The following UTRN variants were observed in gnomAD, a reference collection of about 807,000 sequenced individuals.
UTRN encodes the protein dystrophin-related protein 1.
Under a neutral mutation model 463.9 loss-of-function variants are expected in UTRN, and 283 were observed. That is an observed-to-expected ratio of 0.61 (90% CI 0.55 to 0.67). The LOEUF is 0.67. Ranked by LOEUF, UTRN falls within the 30% of genes least tolerant of loss-of-function variation. The probability of loss-of-function intolerance (pLI) is 0.00; values close to 1 mark genes in which losing one functional copy is unlikely to be tolerated. For synonymous variants in UTRN, 1,442 were observed against 1,431.5 expected, an observed-to-expected ratio of 1.01 and a Z score of -0.17; for missense variants, 3,922 against 4,084.3, an observed-to-expected ratio of 0.96 and a Z score of 1.08.
intron 9 of UTRN, among the ~76,000 whole-genome samples, chr6:144,433,181 G>A (rs1476086393): frequency 2.0e-5 from 3 of 151,616 alleles, no homozygotes; most frequent in Admixed American, 1.3e-4. Flanking sequence ...ATCATGGCCC[G>A]TTCTCAATGA....
At chr6:144,447,390 T>A in intron 15 of UTRN, 72 bp downstream of exon 15, 1 of 1,472,506 alleles carries the variant, frequency 6.8e-7, no homozygotes. Context: ...TAATGGTTAG[T>A]AGAATTTAGT....
chr6:144,548,915 T>G, intron 47 of UTRN, 61 bp downstream of exon 47: 1 of 1,522,400 alleles, frequency 6.6e-7, no homozygotes, highest in Non-Finnish European at 8.9e-7. Flanking sequence ...AGACCAGATC[T>G]GTTTGAATCC....
chr6:144,410,864 G>A (rs943572422), intron 3 of UTRN, among the ~76,000 whole-genome samples: 1 of 151,960 alleles, frequency 6.6e-6, no homozygotes, highest in Non-Finnish European at 1.5e-5. Context: ...TGATCGATGG[G>A]CATTTGGGCT....
At chr6:144,653,269 G>T (rs1028432696) in intron 51 of UTRN, among the ~76,000 whole-genome samples, 2 of 152,096 alleles carry the variant, frequency 1.3e-5, no homozygotes, top group African/African-American at 4.8e-5. Context: ...CATATTAGAG[G>T]TTAATTATTT....
At chr6:144,328,265 C>A (rs1343005156) in intron 2 of UTRN, among the ~76,000 whole-genome samples, 3 of 151,804 alleles carry the variant, frequency 2.0e-5, no homozygotes, top group East Asian at 3.9e-4. Flanking sequence ...CATGGGAGTA[C>A]CCAGACATGA....
At chr6:144,787,386 G>A (rs1022623363) in intron 61 of UTRN, among the ~76,000 whole-genome samples, 1 of 152,078 alleles carries the variant, frequency 6.6e-6, no homozygotes, top group Non-Finnish European at 1.5e-5. Flanking sequence ...GCTTAGAAGG[G>A]CTATGTTTAT....
intron 50 of UTRN, among the ~76,000 whole-genome samples, chr6:144,570,225 T>C (rs1029788129): frequency 1.3e-5 from 2 of 151,994 alleles, no homozygotes; most frequent in Admixed American, 1.3e-4. Flanking sequence ...TGGAGAAAAT[T>C]AGTGGAGGCT....
chr6:144,303,741 C>T (rs1249144372), intron 2 of UTRN, among the ~76,000 whole-genome samples: 3 of 152,014 alleles, frequency 2.0e-5, no homozygotes, highest in African/African-American at 7.2e-5. Context: ...GAAAAAGTAG[C>T]AAAGAAAGGT....
At chr6:144,331,963 C>G (rs1421574437) in intron 2 of UTRN, among the ~76,000 whole-genome samples, 1 of 152,230 alleles carries the variant, frequency 6.6e-6, no homozygotes, top group Non-Finnish European at 1.5e-5. Context: ...TCCTTGCTCA[C>G]TGTCCATCAT....
At chr6:144,428,494 A>C (rs1385625627) in intron 7 of UTRN, among the ~76,000 whole-genome samples, 2 of 137,626 alleles carry the variant, frequency 1.5e-5, no homozygotes, top group Non-Finnish European at 3.1e-5. Flanking sequence ...TTCTTCTTCT[A>C]CTCTTTGGGA....
rs1347051787 is a variant in UTRN, at chr6:144,424,000, T to C, written c.327T>C (p.Asn109=). 2 of 1,614,118 alleles carry C rather than the reference T, an allele frequency of 1.2e-6. No homozygotes were observed. Among genetic ancestry groups the C allele is most frequent in the Non-Finnish European group, 1.7e-6 (2 of 1,180,010 alleles). Residue 109 remains asparagine, a synonymous_variant, in exon 6 of 75, where the codon AAT becomes AAC. Transcript: ENST00000367545. ...VLHQNNVELV[N]IGGTDIVDGN... ...TGTCTTAATAGGTGGAATTAGTGAATATAGGGGGAACTGACATTGTGGATG... is the reference window on the plus strand; with the variant it reads ...TGTCTTAATAGGTGGAATTAGTGAACATAGGGGGAACTGACATTGTGGATG...
At chr6:144,755,061 G>A (rs992646118) in intron 57 of UTRN, among the ~76,000 whole-genome samples, 2 of 152,012 alleles carry the variant, frequency 1.3e-5, no homozygotes, top group African/African-American at 4.8e-5. Context: ...AACTAACATA[G>A]TATCATATCA....
At chr6:144,347,804 T>C (rs2114647814) in intron 2 of UTRN, among the ~76,000 whole-genome samples, 1 of 151,206 alleles carries the variant, frequency 6.6e-6, no homozygotes, top group South Asian at 2.1e-4. Context: ...GGGACACTCC[T>C]GGGAGAATCT....
At chr6:144,517,228 A>G (rs957794421) in intron 39 of UTRN, among the ~76,000 whole-genome samples, 1 of 152,126 alleles carries the variant, frequency 6.6e-6, no homozygotes, top group Non-Finnish European at 1.5e-5. Flanking sequence ...CTCCAATTCC[A>G]TATTTTATTT....
intron 2 of UTRN, among the ~76,000 whole-genome samples, chr6:144,396,701 C>T (rs1378062542): frequency 6.6e-6 from 1 of 152,058 alleles, no homozygotes; most frequent in Non-Finnish European, 1.5e-5. Flanking sequence ...TTTTATACCT[C>T]CATAAAACAG....
intron 2 of UTRN, among the ~76,000 whole-genome samples, chr6:144,321,074 G>C (rs1278707344): frequency 2.0e-5 from 3 of 152,316 alleles, no homozygotes; most frequent in African/African-American, 7.2e-5. Context: ...CACACGTTTA[G>C]TGGTTGCTTA....
intron 2 of UTRN, among the ~76,000 whole-genome samples, chr6:144,345,369 G>C (rs538771299): frequency 1.3e-5 from 2 of 152,114 alleles, no homozygotes; most frequent in South Asian, 4.2e-4. Flanking sequence ...TACCTCTCAG[G>C]GACCTGAATT....
chr6:144,388,209 G>C (rs1465794838), intron 2 of UTRN, among the ~76,000 whole-genome samples: 4 of 152,176 alleles, frequency 2.6e-5, no homozygotes, highest in Non-Finnish European at 5.9e-5. Flanking sequence ...GTGAAGCACT[G>C]TGTATATTCT....
At chr6:144,461,125 A>C in intron 21 of UTRN, 72 bp from the exon 22 acceptor site, 1 of 1,279,696 alleles carries the variant, frequency 7.8e-7, no homozygotes, top group East Asian at 2.6e-5. Context: ...GAATTCATTT[A>C]GGATAATGGT....
Sources: allele counts gnomAD v4.1 joint callset (sites outside exome capture counted in the v4.1 genomes callset), GRCh38; gene constraint gnomAD v4.1.1; transcripts MANE v1.5; gene names NCBI Gene and HGNC (gene_info 2026-07-23, HGNC 2026-07-21).